The following SYMPK variants were observed in gnomAD, a reference collection of about 807,000 sequenced individuals.
The protein encoded by SYMPK is symplekin.
SYMPK carries 49 observed loss-of-function variants against 136.4 expected under a neutral mutation model. The observed-to-expected ratio is 0.36, with a 90% CI of 0.29 to 0.46. The LOEUF (loss-of-function observed/expected upper bound fraction) is 0.46. SYMPK is among the 20% of genes least tolerant of loss of function. The probability of loss-of-function intolerance (pLI) is 1.00; values close to 1 mark genes in which losing one functional copy is unlikely to be tolerated. For synonymous variants in SYMPK, 766 were observed against 713.0 expected (o/e 1.07, Z -1.19); for missense variants, 1,365 against 1,690.0 (o/e 0.81, Z 3.37).
chr19:45,827,929 T>C lies in SYMPK; in HGVS notation c.1986-11A>G, dbSNP rs754292349. 1.9e-5 allele frequency: 30 copies of C among 1,613,408 alleles called. No homozygotes were observed. The Middle Eastern group carries it at 9.9e-4, about 53-fold the overall frequency. On this transcript the variant is annotated splice_polypyrimidine_tract_variant and intron_variant, in intron 14 of 26. Coordinates refer to ENST00000245934, the MANE Select transcript of SYMPK (RefSeq NM_004819.3). ...ACCTTGGTGAAGATCCTGCCAGAGA[T>C]GGAGGGAGGGCCATGGCTGCAGAGG...
intron 12 of SYMPK, 188 bp from the exon 13 acceptor site, chr19:45,830,392 T>C: frequency 1.5e-6 from 1 of 668,532 alleles, no homozygotes; most frequent in East Asian, 2.8e-5. Flanking sequence ...GAGGATGTTA[T>C]TTTGGTTTTG....
At chr19:45,837,411 A>T (rs1280977886) in intron 10 of SYMPK, among the ~76,000 whole-genome samples, 1 of 152,088 alleles carries the variant, frequency 6.6e-6, no homozygotes, top group Non-Finnish European at 1.5e-5. Flanking sequence ...AGAGGTCAGG[A>T]GTTCAGACCA....
chr19:45,826,699 C>T (rs958057959), intron 16 of SYMPK, among the ~76,000 whole-genome samples: 8 of 152,240 alleles, frequency 5.3e-5, no homozygotes, highest in Admixed American at 3.3e-4. Context: ...AGAACGTCTA[C>T]TGCCAGCTAA....
Position 45,854,379 on chromosome 19 carries a change from C to T in SYMPK, c.105+12G>A, listed in dbSNP as rs756839948. The T allele has an allele frequency of 3.7e-6, 6 of 1,613,474 alleles. No individual in the cohort carries two copies. Among genetic ancestry groups the T allele is most frequent in the Non-Finnish European group, 5.1e-6 (6 of 1,179,562 alleles). On this transcript the variant is annotated intron_variant, in intron 2 of 26. Transcript: ENST00000245934. ...ATGCTTCCTCACTCCAAGCCCTACC[C>T]GCCACGCTCACCCTCTCTGAGGTGG...
Position 45,816,037 on chromosome 19 carries a change from G to A in SYMPK, c.3501C>T (p.Pro1167=), listed in dbSNP as rs540417821. Residue 1167 remains proline, a synonymous_variant, in exon 26 of 27, where the codon CCC becomes CCT. Coordinates refer to ENST00000245934, the MANE Select transcript of SYMPK (RefSeq NM_004819.3). ...GAGAGGGAGAGGGGGAGGAAGAGGA[G>A]GGGGCTCCCACTCCTCCCGGCTTCA... ...QKLKPGGVGA[P]SSSSPSPSPS... 2.1e-4 allele frequency: 327 copies of A among 1,580,004 alleles called. 1 individual carries two copies. Among genetic ancestry groups the A allele is most frequent in the Middle Eastern group, 1.7e-3 (10 of 5,990 alleles).
intron 13 of SYMPK, 115 bp downstream of exon 13, chr19:45,829,939 G>A: frequency 8.1e-7 from 1 of 1,230,112 alleles, no homozygotes; most frequent in Non-Finnish European, 1.1e-6. Flanking sequence ...GGGCAGCAGA[G>A]CTGGGGTCCG....
intron 14 of SYMPK, 69 bp from the exon 15 acceptor site, chr19:45,827,987 T>C (rs563026638): frequency 2.0e-4 from 289 of 1,455,954 alleles, no homozygotes; most frequent in South Asian, 1.2e-3. Flanking sequence ...CCCTGCTGAA[T>C]TGTAGGAGCT....
chr19:45,843,942 CAAAAAAAAAAAAAAAAAA>C (rs57025339), intron 8 of SYMPK, 70 bp downstream of exon 8: 2 of 245,004 alleles, frequency 8.2e-6, no homozygotes, highest in East Asian at 2.2e-4. Context: ...GACTCTGTCT[CAAAAAAAAAAAAAAAAAA>C]AAAAAAAAAA....
chr19:45,825,560 C>T (rs190221133), intron 17 of SYMPK, among the ~76,000 whole-genome samples: 145 of 152,196 alleles, frequency 9.5e-4, no homozygotes, highest in African/African-American at 3.1e-3. Flanking sequence ...TTCTAAAGTG[C>T]GATCCTGACC....
chr19:45,834,219 C>T (rs554632323), intron 11 of SYMPK, among the ~76,000 whole-genome samples: 11 of 152,090 alleles, frequency 7.2e-5, no homozygotes, highest in Admixed American at 4.6e-4. Flanking sequence ...ACCCGAGAAG[C>T]GGAGCTTGCA....
At chr19:45,860,965 A>T (rs76123550) in intron 1 of SYMPK, among the ~76,000 whole-genome samples, 1 of 152,276 alleles carries the variant, frequency 6.6e-6, no homozygotes, top group East Asian at 1.9e-4. Context: ...GCATGGCTGC[A>T]TATCTTCCTT....
At position 45,826,282 on chromosome 19, in the gene SYMPK, T is replaced by C; in HGVS notation, c.2273A>G (p.Gln758Arg). ...YVEKFALNYL[Q>R]LLVHPNPPSV... Reference sequence around the variant, plus strand: ...CGGTGGGTTGGGGTGCACCAGGAGCTGCAGGTAGTTGAGGGCAAATTTCTC... The same window carrying C: ...CGGTGGGTTGGGGTGCACCAGGAGCCGCAGGTAGTTGAGGGCAAATTTCTC... The change falls in exon 17 of 27, where the codon CAG becomes CGG. Residue 758 changes from glutamine (Q) to arginine (R), a missense_variant. Around this residue, in one of 11 missense-constraint regions of SYMPK, gnomAD observed 92 missense variants for 198.6 expected, o/e 0.46. Transcript: ENST00000245934. The C allele has an allele frequency of 6.2e-7, 1 of 1,613,830 alleles. No homozygotes were observed. The highest frequency in any genetic ancestry group is 8.5e-7 in the Non-Finnish European group (1 of 1,179,902).
Position 45,823,673 on chromosome 19 carries a change from A to C in SYMPK, c.2599+94T>G. On this transcript the variant is annotated intron_variant, in intron 19 of 26. Transcript: ENST00000245934. ...CAGGCACAGACCCGCAAGAGGTACGACCATCTGGGGACCCAGCAGCTCAGA... is the reference window on the plus strand; with the variant it reads ...CAGGCACAGACCCGCAAGAGGTACGCCCATCTGGGGACCCAGCAGCTCAGA... The C allele has an allele frequency of 3.4e-6, 4 of 1,172,644 alleles. No individual in the cohort carries two copies. The South Asian group carries it at 5.3e-5, about 15-fold the overall frequency. The allele number at this position is 1,172,644 out of a possible 1,614,324, so 72.6% of individuals were successfully genotyped here. A position where few individuals can be genotyped will look rare whatever the true frequency, so the allele number is the denominator to read the frequency against.
chr19:45,852,272 C>T, intron 5 of SYMPK, 40 bp downstream of exon 5: 1 of 1,612,280 alleles, frequency 6.2e-7, no homozygotes, highest in Non-Finnish European at 8.5e-7. Context: ...AGGCTGCCAC[C>T]AGTGAGAATG....
intron 11 of SYMPK, among the ~76,000 whole-genome samples, chr19:45,833,881 G>A (rs1046043990): frequency 6.6e-6 from 1 of 152,192 alleles, no homozygotes; most frequent in African/African-American, 2.4e-5. Context: ...GTCCAGTGCG[G>A]TGGCTCACGC....
chr19:45,854,414 C>G lies in SYMPK; in HGVS notation c.82G>C (p.Asp28His). The change falls in exon 2 of 27, where the codon GAT becomes CAT. Residue 28 changes from aspartate to histidine, a missense_variant. Physicochemically the swap from Asp to His is moderately conservative, Grantham distance 81. Transcript: ENST00000245934. ...FFTQEEGPGIDGMTTSERVVD... is the reference protein window; with the variant it reads ...FFTQEEGPGIHGMTTSERVVD... ...ACCCTCTCTGAGGTGGTCATGCCAT[C>G]GATGCCCGGCCCCTCCTCTTGAGTG... 6.2e-7 allele frequency: 1 copy of G among 1,614,150 alleles called. No homozygotes were observed.
chr19:45,844,940 T>C (rs940803403), intron 7 of SYMPK, among the ~76,000 whole-genome samples: 1 of 152,208 alleles, frequency 6.6e-6, no homozygotes, highest in African/African-American at 2.4e-5. Flanking sequence ...ATGGGGTACA[T>C]GAGATTTTGA....
chr19:45,836,182 A>C, intron 10 of SYMPK, among the ~76,000 whole-genome samples: 1 of 151,436 alleles, frequency 6.6e-6, no homozygotes, highest in African/African-American at 2.4e-5. Context: ...CCTGGGTTCA[A>C]GCAATTCTCC....
At chr19:45,822,678 G>A (rs1970936132) in intron 21 of SYMPK, 78 bp downstream of exon 21, 1 of 1,210,026 alleles carries the variant, frequency 8.3e-7, no homozygotes, top group Non-Finnish European at 1.2e-6. Flanking sequence ...TCCCTGAGGG[G>A]GGTGCCTGCA....
Sources: gnomAD v4.1 joint callset for allele counts (sites outside exome capture counted in the v4.1 genomes callset) on GRCh38, gnomAD v4.1.1 for gene constraint, gnomAD v4.1.1 regional missense constraint, MANE v1.5 for transcripts, NCBI Gene and HGNC (gene_info 2026-07-23, HGNC 2026-07-21) for gene names.